Variants in ARMH3 observed in about 807,000 individuals in gnomAD.
ARMH3 encodes the protein armadillo like helical domain containing 3.
In ARMH3, 60 loss-of-function variants were observed where a neutral mutation model predicts 99.1. The ratio of observed to expected loss-of-function variants is 0.61; its 90% confidence interval spans 0.49 to 0.75. The LOEUF is 0.75. Ranked by LOEUF, ARMH3 falls within the 30% of genes least tolerant of loss-of-function variation. The pLI is 0.00. For synonymous variants in ARMH3, 285 were observed against 292.8 expected, an observed-to-expected ratio of 0.97 and a Z score of 0.27; for missense variants, 679 against 843.1, an observed-to-expected ratio of 0.81 and a Z score of 2.41.
intron 22 of ARMH3, among the ~76,000 whole-genome samples, chr10:101,940,920 A>G (rs776437050): frequency 3.0e-4 from 45 of 152,362 alleles, no homozygotes; most frequent in Admixed American, 2.0e-4. Flanking sequence ...TCCTTGAAAG[A>G]GCAAGCACAT....
intron 8 of ARMH3, among the ~76,000 whole-genome samples, chr10:102,019,648 C>A (rs962123658): frequency 1.3e-5 from 2 of 152,104 alleles, no homozygotes; most frequent in African/African-American, 4.8e-5. Context: ...AAAAGCTGGG[C>A]CGGGCGCGGT....
chr10:101,854,840 T>C (rs1338093910), intron 24 of ARMH3, among the ~76,000 whole-genome samples: 1 of 151,844 alleles, frequency 6.6e-6, no homozygotes, highest in Non-Finnish European at 1.5e-5. Context: ...ATAAGGCTGA[T>C]GTGAGGATAA....
In ARMH3 at chr10:102,002,054, A is replaced by G. The variant is rs770907918; in HGVS notation, c.1067T>C (p.Leu356Pro). The change falls in exon 15 of 26, where the codon CTC becomes CCC. Residue 356 changes from leucine (L) to proline (P), a missense_variant. Around this residue, in one of 3 missense-constraint regions of ARMH3, gnomAD observed 389 missense variants for 456.5 expected, o/e 0.85. Coordinates refer to ENST00000370033, the MANE Select transcript of ARMH3 (RefSeq NM_024541.3). Reference protein sequence around the residue: ...PSSDVISSVELPLDADVQTSN... With the variant: ...PSSDVISSVEPPLDADVQTSN... ...GGTCTGTACATCTGCATCCAGTGGGAGTTCCACAGAACTTATAACTGGAAT... is the reference window on the plus strand; with the variant it reads ...GGTCTGTACATCTGCATCCAGTGGGGGTTCCACAGAACTTATAACTGGAAT... 7 of 1,614,154 alleles carry G rather than the reference A, an allele frequency of 4.3e-6. No individual in the cohort carries two copies. Among genetic ancestry groups the G allele is most frequent in the Non-Finnish European group, 5.9e-6 (7 of 1,180,020 alleles).
At chr10:101,866,240 A>AT in intron 24 of ARMH3, among the ~76,000 whole-genome samples, 1 of 152,038 alleles carries the variant, frequency 6.6e-6, no homozygotes, top group East Asian at 1.9e-4. Context: ...AAAAAAAAAA[A>AT]GCTATCTTTC....
At chr10:102,008,394 A>T (rs1271210764) in intron 13 of ARMH3, among the ~76,000 whole-genome samples, 1 of 152,178 alleles carries the variant, frequency 6.6e-6, no homozygotes, top group African/African-American at 2.4e-5. Flanking sequence ...TCAATTTTTT[A>T]AAATGGCTTT....
intron 1 of ARMH3, among the ~76,000 whole-genome samples, chr10:102,055,090 G>A (rs1029415103): frequency 6.6e-6 from 1 of 151,562 alleles, no homozygotes. Context: ...GGGAGGCCGA[G>A]GCGGGCGGAT....
chr10:102,021,528 G>A (rs2066884675), intron 8 of ARMH3, among the ~76,000 whole-genome samples: 1 of 151,750 alleles, frequency 6.6e-6, no homozygotes. Context: ...GACTACAGAT[G>A]CATATCACCA....
chr10:101,884,237 G>C (rs2067487884), intron 24 of ARMH3, among the ~76,000 whole-genome samples: 1 of 152,168 alleles, frequency 6.6e-6, no homozygotes, highest in South Asian at 2.1e-4. Context: ...AGTTCCTAAT[G>C]TCAGAAACCA....
rs905502693 is a variant in ARMH3 at position 101,957,869 on chromosome 10, C to T, written c.1496-137G>A. On this transcript the variant is annotated intron_variant, in intron 20 of 25. Transcript: ENST00000370033. ...TCAGCCACCAAGGTCTTTTAAAAAGCAGGTAAGGTAGGTATATTTGAGGAA... is the reference window on the plus strand; with the variant it reads ...TCAGCCACCAAGGTCTTTTAAAAAGTAGGTAAGGTAGGTATATTTGAGGAA... 8.0e-6 allele frequency: 10 copies of T among 1,246,024 alleles called. No individual in the cohort carries two copies. The African/African-American group carries it at 1.1e-4, about 13-fold the overall frequency. The allele number at this position is 1,246,024 out of a possible 1,614,324, so 77.2% of individuals were successfully genotyped here.
chr10:101,946,429 T>C (rs1844536602), intron 22 of ARMH3, among the ~76,000 whole-genome samples: 1 of 151,812 alleles, frequency 6.6e-6, no homozygotes, highest in Non-Finnish European at 1.5e-5. Flanking sequence ...GGAGGATCAC[T>C]TGAGCCCAGG....
intron 19 of ARMH3, among the ~76,000 whole-genome samples, chr10:101,982,054 G>T (rs1406869812): frequency 1.3e-5 from 2 of 148,358 alleles, no homozygotes; most frequent in Non-Finnish European, 3.0e-5. Context: ...ACAAAGACTG[G>T]GGTACCTTCA....
intron 24 of ARMH3, among the ~76,000 whole-genome samples, chr10:101,880,442 G>A (rs752936948): frequency 4.6e-5 from 7 of 152,048 alleles, no homozygotes; most frequent in Non-Finnish European, 8.8e-5. Context: ...AGAAAACCCC[G>A]CCACACAGCT....
intron 1 of ARMH3, among the ~76,000 whole-genome samples, chr10:102,041,296 C>G (rs983611812): frequency 6.6e-6 from 1 of 151,542 alleles, no homozygotes; most frequent in Non-Finnish European, 1.5e-5. Context: ...CCTTCACCTC[C>G]CAGGTTCTTT....
chr10:102,026,479 C>T (rs967732419), intron 5 of ARMH3, among the ~76,000 whole-genome samples: 1 of 152,106 alleles, frequency 6.6e-6, no homozygotes, highest in African/African-American at 2.4e-5. Flanking sequence ...GTCACCTATT[C>T]CAAGACCCCT....
chr10:102,024,367 C>T (rs900052477), intron 6 of ARMH3, among the ~76,000 whole-genome samples: 15 of 150,188 alleles, frequency 1.0e-4, no homozygotes, highest in African/African-American at 3.4e-4. Context: ...GAGAACTGTT[C>T]AAACCCGGGA....
At chr10:101,868,519 C>T (rs951050624) in intron 24 of ARMH3, among the ~76,000 whole-genome samples, 1 of 152,126 alleles carries the variant, frequency 6.6e-6, no homozygotes, top group Non-Finnish European at 1.5e-5. Flanking sequence ...TTTCCACCTC[C>T]TCCACCTCTT....
chr10:101,966,425 C>T (rs1015927334), intron 20 of ARMH3, among the ~76,000 whole-genome samples: 22 of 151,442 alleles, frequency 1.5e-4, no homozygotes, highest in African/African-American at 4.1e-4. Flanking sequence ...TACAGGCGCC[C>T]GCCACCACGC....
intron 12 of ARMH3, among the ~76,000 whole-genome samples, 197 bp downstream of exon 12, chr10:102,009,780 T>G (rs1317937831): frequency 6.6e-6 from 1 of 152,232 alleles, no homozygotes; most frequent in Non-Finnish European, 1.5e-5. Flanking sequence ...TTGTTCAGCT[T>G]ATTGTCGCTC....
intron 22 of ARMH3, among the ~76,000 whole-genome samples, chr10:101,946,318 G>T (rs906208706): frequency 1.3e-5 from 2 of 152,068 alleles, no homozygotes; most frequent in South Asian, 2.1e-4. Flanking sequence ...GTTCAGCAAA[G>T]AAACTGAAGC....
Sources: gnomAD v4.1 joint callset for allele counts (sites outside exome capture counted in the v4.1 genomes callset) on GRCh38, gnomAD v4.1.1 for gene constraint, gnomAD v4.1.1 regional missense constraint, MANE v1.5 for transcripts, NCBI Gene and HGNC (gene_info 2026-07-23, HGNC 2026-07-21) for gene names.